Variants in GABPB2 observed in about 807,000 individuals in gnomAD.
GABPB2 encodes the protein GA-binding protein subunit beta-2.
In GABPB2, 23 loss-of-function variants were observed where a neutral mutation model predicts 39.1. The observed-to-expected ratio is 0.59, with a 90% CI of 0.42 to 0.83. The LOEUF is 0.83. Among genes scored for constraint, GABPB2 ranks in the 40% least tolerant of loss-of-function variants. The pLI, the probability that GABPB2 is intolerant of heterozygous loss-of-function variation, is 0.00. For missense variants in GABPB2, 467 were observed against 541.1 expected (o/e 0.86, Z 1.36); for synonymous variants, 184 against 199.3 (o/e 0.92, Z 0.65).
At chr1:151,073,171 C>G (rs1414545624) in intron 1 of GABPB2, 1 of 152,158 alleles carries the variant, frequency 6.6e-6, no homozygotes. Flanking sequence ...TGGGCCACCA[C>G]ACCCTGCTAA....
At chr1:151,089,578 T>A (rs1055774749) in intron 2 of GABPB2, among the ~76,000 whole-genome samples, 2 of 152,224 alleles carry the variant, frequency 1.3e-5, no homozygotes, top group Non-Finnish European at 1.5e-5. Context: ...TTCCAGTCAG[T>A]CAAATTTGTA....
chr1:151,108,314 C>T (rs373583490), intron 7 of GABPB2, among the ~76,000 whole-genome samples: 2 of 152,070 alleles, frequency 1.3e-5, no homozygotes, highest in Middle Eastern at 3.4e-3. Context: ...GGACTATAGG[C>T]GCACACCAAC....
At position 151,107,154 on chromosome 1, in the gene GABPB2, T is replaced by C. The variant is rs1680032852; in HGVS notation, c.854T>C (p.Ile285Thr). The change falls in exon 7 of 9, where the codon ATC becomes ACC. Residue 285 changes from isoleucine to threonine, a missense_variant. By Grantham distance (89) the Ile-to-Thr change is moderately conservative. Coordinates refer to ENST00000368918, the MANE Select transcript of GABPB2 (RefSeq NM_144618.3). ...ACTGATGGAGTCCCTCTGGGTAATA[T>C]CCAAACTTCAATCCCTACTGGAGGC... is the stretch of plus-strand genomic sequence containing the variant. ...IVTDGVPLGNIQTSIPTGGIG... is the reference protein window; with the variant it reads ...IVTDGVPLGNTQTSIPTGGIG... 2.5e-6 allele frequency: 4 copies of C among 1,613,218 alleles called. No individual in the cohort carries two copies. Among genetic ancestry groups the C allele is most frequent in the African/African-American group, 1.3e-5 (1 of 74,886 alleles).
In GABPB2 at chr1:151,124,836, T is replaced by C. The variant is rs1021490321; in HGVS notation, c.*6580T>C. The C allele has an allele frequency of 6.6e-6, 1 of 152,158 alleles. No individual in the cohort carries two copies. Among genetic ancestry groups the C allele is most frequent in the Non-Finnish European group, 1.5e-5 (1 of 68,046 alleles). 9.4% of individuals were successfully genotyped at this position (152,158 alleles called of 1,614,324 possible). On this transcript the variant is annotated 3_prime_UTR_variant, in exon 9 of 9. Coordinates refer to ENST00000368918, the MANE Select transcript of GABPB2 (RefSeq NM_144618.3). ...TTTAAGTCTCTGATGCTGCCCTTTT[T>C]AAATTTTTGTCTTATTTTTTAGCCT...
At chr1:151,085,784 T>C (rs1346741220) in intron 1 of GABPB2, among the ~76,000 whole-genome samples, 1 of 152,100 alleles carries the variant, frequency 6.6e-6, no homozygotes, top group Admixed American at 6.6e-5. Flanking sequence ...AACTTAATCG[T>C]GTAGTGCTTT....
intron 1 of GABPB2, among the ~76,000 whole-genome samples, chr1:151,087,413 G>A (rs1365577251): frequency 6.6e-6 from 1 of 152,006 alleles, no homozygotes; most frequent in African/African-American, 2.4e-5. Flanking sequence ...TTGGGAGGCT[G>A]AGGTGGGTGG....
chr1:151,082,955 A>G (rs938171349), intron 1 of GABPB2, among the ~76,000 whole-genome samples: 13 of 151,486 alleles, frequency 8.6e-5, no homozygotes, highest in Admixed American at 7.9e-4. Context: ...TAGCCTGGGC[A>G]ACAGAAAAAG....
At chr1:151,093,169 A>G (rs766543478) in intron 3 of GABPB2, 23 bp from the exon 4 acceptor site, 1 of 1,529,544 alleles carries the variant, frequency 6.5e-7, no homozygotes, top group Non-Finnish European at 8.8e-7. Flanking sequence ...CTGTTTGTTG[A>G]AAAAAATGCT....
At chr1:151,096,767 G>A (rs587739718) in intron 4 of GABPB2, among the ~76,000 whole-genome samples, 1 of 152,276 alleles carries the variant, frequency 6.6e-6, no homozygotes, top group Non-Finnish European at 1.5e-5. Flanking sequence ...AATGGAACAA[G>A]TAGTTGGACA....
At chr1:151,081,262 G>T (rs1266767880) in intron 1 of GABPB2, among the ~76,000 whole-genome samples, 1 of 151,954 alleles carries the variant, frequency 6.6e-6, no homozygotes, top group Non-Finnish European at 1.5e-5. Flanking sequence ...GCTGAGGCCA[G>T]CGGATCACTT....
chr1:151,103,253 G>C (rs1558150013), intron 5 of GABPB2, among the ~76,000 whole-genome samples: 1 of 151,586 alleles, frequency 6.6e-6, no homozygotes, highest in Admixed American at 6.6e-5. Context: ...GTTTCACCAT[G>C]TTAGCCAGGA....
chr1:151,071,307 GAC>G (rs770155627), intron 1 of GABPB2, among the ~76,000 whole-genome samples: 106 of 152,288 alleles, frequency 7.0e-4, no homozygotes, highest in Non-Finnish European at 1.4e-3. Context: ...CTTTCAGACA[GAC>G]ATTGGTGTGA....
intron 5 of GABPB2, among the ~76,000 whole-genome samples, chr1:151,098,311 A>G (rs147216505): frequency 1.3e-5 from 2 of 152,116 alleles, no homozygotes; most frequent in Admixed American, 6.6e-5. Context: ...GCCACCCTGG[A>G]CTGGACAACA....
In GABPB2 at chr1:151,123,427, C is replaced by G. The variant is rs587716042; in HGVS notation, c.*5171C>G. On this transcript the variant is annotated 3_prime_UTR_variant, in exon 9 of 9. Coordinates refer to ENST00000368918, the MANE Select transcript of GABPB2 (RefSeq NM_144618.3). The stretch of plus-strand genomic sequence containing the variant: ...CTGAGATTGTGCCACTGCACTCCAG[C>G]CTGGGCAATAGAGCGAGACTCTGTC... 1 of 150,148 alleles carries G rather than the reference C, an allele frequency of 6.7e-6. No homozygotes were observed. 9.3% of individuals were successfully genotyped at this position (150,148 alleles called of 1,614,324 possible). A position where few individuals can be genotyped will look rare whatever the true frequency, so the allele number is the denominator to read the frequency against.
chr1:151,098,501 TAAA>T (rs748009017), intron 5 of GABPB2, among the ~76,000 whole-genome samples: 10 of 117,468 alleles, frequency 8.5e-5, no homozygotes, highest in Admixed American at 3.6e-4. Flanking sequence ...ACCCTGTCTC[TAAA>T]AAAAAAAAAA....
chr1:151,104,544 T>A (rs1679781753), intron 6 of GABPB2, among the ~76,000 whole-genome samples: 1 of 152,226 alleles, frequency 6.6e-6, no homozygotes, highest in African/African-American at 2.4e-5. Context: ...TTTGCTTTGC[T>A]CTTTGATCTT....
At position 151,093,223 on chromosome 1, in the gene GABPB2, T is replaced by A. The variant is rs748477841; in HGVS notation, c.308T>A (p.Leu103Gln). 1.9e-6 allele frequency: 3 copies of A among 1,604,386 alleles called. No individual in the cohort carries two copies. In the Admixed American group the frequency reaches 5.2e-5, roughly 28 times the overall value. ...GCAGATGTGAATGCCAAGGACATGC[T>A]GAAGATGACAGCTTTGCATTGGGCC... ...NGADVNAKDM[L>Q]KMTALHWATE... The change falls in exon 4 of 9, where the codon CTG becomes CAG. Residue 103 changes from leucine (L) to glutamine (Q), a missense_variant. Physicochemically the swap from Leu to Gln is moderately radical, Grantham distance 113. Coordinates refer to ENST00000368918, the MANE Select transcript of GABPB2 (RefSeq NM_144618.3).
chr1:151,086,417 C>A (rs905505206), intron 1 of GABPB2, among the ~76,000 whole-genome samples: 1 of 152,120 alleles, frequency 6.6e-6, no homozygotes, highest in Non-Finnish European at 1.5e-5. Flanking sequence ...GTGAAGAATA[C>A]AATAACCAAT....
chr1:151,105,571 G>T (rs1227067823), intron 6 of GABPB2, among the ~76,000 whole-genome samples: 1 of 150,110 alleles, frequency 6.7e-6, no homozygotes, highest in African/African-American at 2.5e-5. Context: ...CTGGAGTGCA[G>T]TGGCACAATC....
Sources: allele counts gnomAD v4.1 joint callset (sites outside exome capture counted in the v4.1 genomes callset), GRCh38; gene constraint gnomAD v4.1.1; transcripts MANE v1.5; gene names NCBI Gene and HGNC (gene_info 2026-07-23, HGNC 2026-07-21).